Variants in OR6F1 observed in about 807,000 individuals in gnomAD.
OR6F1 encodes olfactory receptor family 6 subfamily F member 1.
For missense variants in OR6F1, 346 were observed against 376.0 expected (o/e 0.92, Z 0.66); for synonymous variants, 144 against 150.0 (o/e 0.96, Z 0.29).
chr1:247,712,518 T>C lies in OR6F1; in HGVS notation c.238A>G (p.Lys80Glu), dbSNP rs1350637230. ...EIWYTTAAVP[K>E]ALAILLGRSQ... ...CTCCCCAGTAGGATGGCCAGTGCTT[T>C]GGGCACTGCTGCTGTGGTATACCAA... is the stretch of plus-strand genomic sequence containing the variant. Residue 80 changes from lysine (K) to glutamate (E), a missense_variant, in exon 3 of 3, where the codon AAA becomes GAA. Coordinates refer to ENST00000641470, the MANE Select transcript of OR6F1 (RefSeq NM_001005286.2). 1 of 1,613,438 alleles carries C rather than the reference T, an allele frequency of 6.2e-7. No individual in the cohort carries two copies. The highest frequency in any genetic ancestry group is 1.7e-5 in the Admixed American group (1 of 60,030).
chr1:247,712,864 A>C, intron 2 of OR6F1, 47 bp from the exon 3 acceptor site: 4 of 616,272 alleles, frequency 6.5e-6, no homozygotes, highest in Non-Finnish European at 8.5e-6. Context: ...CCAATAATTA[A>C]ATGTAATTAT....
intron 1 of OR6F1, among the ~76,000 whole-genome samples, chr1:247,715,243 T>G (rs1006474785): frequency 6.6e-6 from 1 of 152,230 alleles, no homozygotes; most frequent in Non-Finnish European, 1.5e-5. Context: ...TTAAAAATAT[T>G]TTAATTTATG....
chr1:247,713,663 A>G (rs978657739), intron 2 of OR6F1, among the ~76,000 whole-genome samples: 1 of 152,198 alleles, frequency 6.6e-6, no homozygotes, highest in Non-Finnish European at 1.5e-5. Context: ...TGTTTAGGAG[A>G]CAGAGTTTTG....
chr1:247,714,315 C>A (rs1660066525), intron 1 of OR6F1, among the ~76,000 whole-genome samples: 1 of 152,144 alleles, frequency 6.6e-6, no homozygotes, highest in African/African-American at 2.4e-5. Flanking sequence ...AGGGTCTTAT[C>A]ATCCTAGAGA....
At chr1:247,713,320 A>G (rs1396808197) in intron 2 of OR6F1, among the ~76,000 whole-genome samples, 1 of 151,234 alleles carries the variant, frequency 6.6e-6, no homozygotes, top group African/African-American at 2.5e-5. Context: ...ATAATGTTCA[A>G]AAGTCACCAA....
At chr1:247,713,601 G>A (rs569038632) in intron 2 of OR6F1, among the ~76,000 whole-genome samples, 17 of 152,252 alleles carry the variant, frequency 1.1e-4, no homozygotes, top group African/African-American at 2.9e-4. Context: ...CTGTAAATTC[G>A]AAGGTCAATT....
intron 2 of OR6F1, among the ~76,000 whole-genome samples, chr1:247,713,513 A>G (rs1243774527): frequency 1.3e-5 from 2 of 152,236 alleles, no homozygotes; most frequent in Non-Finnish European, 2.9e-5. Context: ...AAAGCAGGTG[A>G]AGGGCAAAAA....
chr1:247,713,275 T>C (rs1660044227), intron 2 of OR6F1, among the ~76,000 whole-genome samples: 1 of 151,308 alleles, frequency 6.6e-6, no homozygotes, highest in South Asian at 2.1e-4. Flanking sequence ...TTGTAGCTTC[T>C]AAATTGATCT....
chr1:247,714,043 C>T, intron 1 of OR6F1, 89 bp from the exon 2 acceptor site: 1 of 398,296 alleles, frequency 2.5e-6, no homozygotes. Flanking sequence ...CCAAATGTCA[C>T]TGGCCAGGAC....
At chr1:247,714,979 G>T (rs1660081431) in intron 1 of OR6F1, among the ~76,000 whole-genome samples, 2 of 152,152 alleles carry the variant, frequency 1.3e-5, no homozygotes, top group South Asian at 4.1e-4. Context: ...ACAGCAAAAA[G>T]TAGCTAACAT....
intron 1 of OR6F1, among the ~76,000 whole-genome samples, chr1:247,714,209 GA>G (rs2103191102): frequency 6.6e-6 from 1 of 152,154 alleles, no homozygotes; most frequent in South Asian, 2.1e-4. Flanking sequence ...AGACAATTGT[GA>G]AAGACAAAAA....
At chr1:247,715,470 C>A (rs1355972321) in intron 1 of OR6F1, among the ~76,000 whole-genome samples, 3 of 152,082 alleles carry the variant, frequency 2.0e-5, no homozygotes. Flanking sequence ...TTTACTTATG[C>A]TGCTGAATTT....
At chr1:247,713,490 A>C (rs2103190411) in intron 2 of OR6F1, among the ~76,000 whole-genome samples, 1 of 152,336 alleles carries the variant, frequency 6.6e-6, no homozygotes, top group Middle Eastern at 3.4e-3. Flanking sequence ...CCCACTTGGA[A>C]GTGAGTACAC....
At position 247,711,767 on chromosome 1, in the gene OR6F1, A is replaced by T; in HGVS notation, c.*62T>A. Reference sequence around the variant, plus strand: ...ATTTGCCCTATTCCTCCACATTCTTACTTGGAACCTCTGTATAGATGCAGA... The same window carrying T: ...ATTTGCCCTATTCCTCCACATTCTTTCTTGGAACCTCTGTATAGATGCAGA... On this transcript the variant is annotated 3_prime_UTR_variant, in exon 3 of 3. Coordinates refer to ENST00000641470, the MANE Select transcript of OR6F1 (RefSeq NM_001005286.2). The T allele has an allele frequency of 2.8e-6, 3 of 1,080,562 alleles. No individual in the cohort carries two copies. The highest frequency in any genetic ancestry group is 4.1e-6 in the Non-Finnish European group (3 of 727,480). 66.9% of individuals were successfully genotyped at this position (1,080,562 alleles called of 1,614,324 possible).
At chr1:247,714,171 C>T (rs745518217) in intron 1 of OR6F1, among the ~76,000 whole-genome samples, 5 of 152,160 alleles carry the variant, frequency 3.3e-5, no homozygotes, top group East Asian at 1.9e-4. Context: ...AAAATGTGCT[C>T]CTCTGGCACT....
chr1:247,712,576 G>T lies in OR6F1; in HGVS notation c.180C>A (p.Tyr60Ter). ...STSHQLHTPM[Y>*]FFLSNLSFLE... is the part of the protein sequence containing the mutation. ...GGAAGGAGAGGTTGCTCAGAAAGAAGTACATGGGGGTATGCAACTGATGGG... is the reference window on the plus strand; with the variant it reads ...GGAAGGAGAGGTTGCTCAGAAAGAATTACATGGGGGTATGCAACTGATGGG... The change falls in exon 3 of 3, where the codon TAC (tyrosine) becomes TAA (stop). Residue 60 changes from tyrosine (Y) to a stop codon, truncating the protein, a stop_gained. Transcript: ENST00000641470. LOFTEE classifies it low-confidence loss of function (END_TRUNC). The T allele has an allele frequency of 1.2e-6, 2 of 1,614,120 alleles. No homozygotes were observed. Among genetic ancestry groups the T allele is most frequent in the East Asian group, 4.5e-5 (2 of 44,878 alleles).
intron 1 of OR6F1, among the ~76,000 whole-genome samples, chr1:247,715,476 A>C (rs942223370): frequency 6.6e-6 from 1 of 152,178 alleles, no homozygotes; most frequent in Non-Finnish European, 1.5e-5. Flanking sequence ...TATGCTGCTG[A>C]ATTTGTCAGA....
In OR6F1 at chr1:247,711,578, A is replaced by G; in HGVS notation, c.*251T>C. On this transcript the variant is annotated 3_prime_UTR_variant, in exon 3 of 3. Transcript: ENST00000641470. ...TTTATTGCAGATGTCTCTAATTTATAAACCAAAGTCCAGAGCAAACCTAAT... is the reference window on the plus strand; with the variant it reads ...TTTATTGCAGATGTCTCTAATTTATGAACCAAAGTCCAGAGCAAACCTAAT... The G allele has an allele frequency of 3.2e-6, 1 of 314,832 alleles. No individual in the cohort carries two copies. The highest frequency in any genetic ancestry group is 5.8e-6 in the Non-Finnish European group (1 of 171,700). 19.5% of individuals were successfully genotyped at this position (314,832 alleles called of 1,614,324 possible).
At position 247,711,670 on chromosome 1, in the gene OR6F1, T is replaced by C; in HGVS notation, c.*159A>G. The C allele has an allele frequency of 3.6e-6, 2 of 548,266 alleles. No homozygotes were observed. The highest frequency in any genetic ancestry group is 6.4e-6 in the Non-Finnish European group (2 of 312,452). The allele number at this position is 548,266 out of a possible 1,614,324, so 34.0% of individuals were successfully genotyped here. ...ATGTCAAAAACTCCCATTTTTATCA[T>C]ACATGATAATGTATAGAAAATACAG... On this transcript the variant is annotated 3_prime_UTR_variant, in exon 3 of 3. Transcript: ENST00000641470.
Sources: gnomAD v4.1 joint callset for allele counts (sites outside exome capture counted in the v4.1 genomes callset) on GRCh38, gnomAD v4.1.1 for gene constraint, MANE v1.5 for transcripts, NCBI Gene and HGNC (gene_info 2026-07-23, HGNC 2026-07-21) for gene names.